The following RYR3 variants were observed in gnomAD, a reference collection of about 807,000 sequenced individuals.
The protein encoded by RYR3 is ryanodine receptor 3.
RYR3 carries 207 observed loss-of-function variants against 584.3 expected under a neutral mutation model. The observed-to-expected ratio is 0.35, with a 90% CI of 0.32 to 0.40. The LOEUF is 0.40. Among genes scored for constraint, RYR3 ranks in the 10% least tolerant of loss-of-function variants. The pLI is 1.00. For synonymous variants in RYR3, 2,416 were observed against 2,248.5 expected (o/e 1.07, Z -2.11); for missense variants, 5,616 against 6,089.2 (o/e 0.92, Z 2.59).
intron 64 of RYR3, among the ~76,000 whole-genome samples, chr15:33,774,756 T>C (rs1387195091): frequency 6.6e-6 from 1 of 152,256 alleles, no homozygotes; most frequent in African/African-American, 2.4e-5. Flanking sequence ...ACATAAAATA[T>C]AGATAAATCA....
rs142678929 is a variant in RYR3, at chr15:33,779,818, T to C, written c.9138-393T>C. On this transcript the variant is annotated intron_variant, in intron 64 of 103. Coordinates refer to ENST00000634891, the MANE Select transcript of RYR3 (RefSeq NM_001036.6). ...GAGATCGAGACCATCCTGGCCAACATGGCGAAACCCCGTCTCTACTAAAAA... is the reference window on the plus strand; with the variant it reads ...GAGATCGAGACCATCCTGGCCAACACGGCGAAACCCCGTCTCTACTAAAAA... 4.5e-3 allele frequency among the ~76,000 whole-genome samples: 672 copies of C among 149,676 alleles called. 4 individuals carry two copies. Among genetic ancestry groups the C allele is most frequent in the African/African-American group, 0.015 (627 of 40,708 alleles).
At chr15:33,700,942 G>C (rs11629683) in intron 41 of RYR3, 35 bp from the exon 42 acceptor site, 145,948 of 1,503,984 alleles carry the variant, frequency 0.097, 9,238 homozygotes, top group Admixed American at 0.31. Flanking sequence ...GTCTTCCTCT[G>C]TCCTTTTCTT....
At chr15:33,759,680 G>A (rs542120049) in intron 60 of RYR3, among the ~76,000 whole-genome samples, 5 of 152,322 alleles carry the variant, frequency 3.3e-5, no homozygotes, top group African/African-American at 9.6e-5. Flanking sequence ...TGGTGTACCT[G>A]AAAGTGACGG....
At chr15:33,407,400 G>A (rs953197351) in intron 1 of RYR3, among the ~76,000 whole-genome samples, 2 of 152,316 alleles carry the variant, frequency 1.3e-5, no homozygotes, top group Admixed American at 6.5e-5. Flanking sequence ...TGATGGAGAC[G>A]AGAGTGAACC....
chr15:33,546,144 A>G (rs1001949396), intron 8 of RYR3, among the ~76,000 whole-genome samples: 1 of 152,124 alleles, frequency 6.6e-6, no homozygotes, highest in African/African-American at 2.4e-5. Context: ...TAAATGGAGC[A>G]AGCCGCCCAA....
At chr15:33,702,749 A>G (rs1207532739) in intron 42 of RYR3, among the ~76,000 whole-genome samples, 1 of 152,154 alleles carries the variant, frequency 6.6e-6, no homozygotes, top group African/African-American at 2.4e-5. Context: ...AAGCATAGCC[A>G]GGCCAGAGCC....
At chr15:33,826,046 T>G (rs1432541740) in intron 82 of RYR3, among the ~76,000 whole-genome samples, 2 of 152,270 alleles carry the variant, frequency 1.3e-5, no homozygotes, top group East Asian at 3.9e-4. Context: ...TTTAAAATCT[T>G]AATTACCTAT....
intron 60 of RYR3, among the ~76,000 whole-genome samples, chr15:33,765,632 CAAAAAAAAAAA>C (rs761552773): frequency 2.4e-3 from 145 of 60,958 alleles, no homozygotes; most frequent in Non-Finnish European, 2.1e-3. Flanking sequence ...GACTCCGTCT[CAAAAAAAAAAA>C]AAAAAAAAAA....
chr15:33,316,690 G>A (rs988518518), intron 1 of RYR3, among the ~76,000 whole-genome samples: 4 of 152,158 alleles, frequency 2.6e-5, no homozygotes, highest in Admixed American at 2.0e-4. Flanking sequence ...GTTGAGAGAG[G>A]CAATAGTCAT....
intron 38 of RYR3, among the ~76,000 whole-genome samples, chr15:33,673,811 G>A (rs773605637): frequency 2.0e-5 from 3 of 152,188 alleles, no homozygotes; most frequent in African/African-American, 2.4e-5. Context: ...CTCCACGCTG[G>A]CATCTTATCT....
chr15:33,566,878 T>C, intron 12 of RYR3, 79 bp downstream of exon 12: 2 of 1,470,278 alleles, frequency 1.4e-6, no homozygotes, highest in Non-Finnish European at 1.9e-6. Context: ...CTCCTTTTGA[T>C]ACTGTGAATG....
In RYR3 at chr15:33,329,993, A is replaced by G. The variant is rs962550375; in HGVS notation, c.51+18897A>G. 2.0e-5 allele frequency among the ~76,000 whole-genome samples: 3 copies of G among 152,152 alleles called. No homozygotes were observed. In the East Asian group the frequency reaches 5.8e-4, roughly 29 times the overall value. On this transcript the variant is annotated intron_variant, in intron 1 of 103. Coordinates refer to ENST00000634891, the MANE Select transcript of RYR3 (RefSeq NM_001036.6). ...TGGGTGAAAGGGAGTGATCTTGTGTATAAGTGCACAAACCCTGAGGTCCTT... is the reference window on the plus strand; with the variant it reads ...TGGGTGAAAGGGAGTGATCTTGTGTGTAAGTGCACAAACCCTGAGGTCCTT...
chr15:33,680,792 C>T (rs1334256593), intron 38 of RYR3, among the ~76,000 whole-genome samples: 8 of 152,150 alleles, frequency 5.3e-5, no homozygotes, highest in East Asian at 1.9e-4. Flanking sequence ...AAGAGACAAA[C>T]GGGTGCTATG....
intron 38 of RYR3, among the ~76,000 whole-genome samples, chr15:33,685,842 A>G (rs12915242): frequency 0.81 from 123,029 of 152,122 alleles, 50,822 homozygotes; most frequent in South Asian, 0.92. Flanking sequence ...CTCAATGACT[A>G]CTGGGTAAAT....
At chr15:33,768,473 C>T (rs762034427) in intron 60 of RYR3, among the ~76,000 whole-genome samples, 185 bp from the exon 61 acceptor site, 2 of 152,210 alleles carry the variant, frequency 1.3e-5, no homozygotes, top group African/African-American at 2.4e-5. Context: ...TTCTCCAAGG[C>T]AGTGTGAACC....
intron 15 of RYR3, among the ~76,000 whole-genome samples, chr15:33,585,384 G>A (rs1495286): frequency 0.2 from 30,725 of 152,004 alleles, 4,154 homozygotes; most frequent in East Asian, 0.56. Context: ...TGATATTACC[G>A]TGTATGTGCC....
At chr15:33,663,500 T>C in intron 35 of RYR3, 37 bp from the exon 36 acceptor site, 1 of 1,581,608 alleles carries the variant, frequency 6.3e-7, no homozygotes, top group Non-Finnish European at 8.6e-7. Flanking sequence ...CTCACCAAAG[T>C]ACACAAAGTG....
intron 1 of RYR3, among the ~76,000 whole-genome samples, chr15:33,318,314 C>T (rs1457667300): frequency 1.3e-5 from 2 of 152,224 alleles, no homozygotes; most frequent in East Asian, 3.8e-4. Flanking sequence ...GTGTCAGTGT[C>T]ACTGTGACCC....
At chr15:33,791,634 G>A (rs1345841808) in intron 67 of RYR3, among the ~76,000 whole-genome samples, 2 of 152,152 alleles carry the variant, frequency 1.3e-5, no homozygotes, top group Non-Finnish European at 2.9e-5. Flanking sequence ...TGAATTTACA[G>A]TAAGACCCAT....
Sources: allele counts gnomAD v4.1 joint callset (sites outside exome capture counted in the v4.1 genomes callset), GRCh38; gene constraint gnomAD v4.1.1; transcripts MANE v1.5; gene names NCBI Gene and HGNC (gene_info 2026-07-23, HGNC 2026-07-21).